Variants in PPIF observed in about 807,000 individuals in gnomAD.
PPIF encodes the protein peptidyl-prolyl cis-trans isomerase F, mitochondrial.
In PPIF, 23 loss-of-function variants were observed where a neutral mutation model predicts 20.2. That is an observed-to-expected ratio of 1.14 (90% CI 0.82 to 1.61). The LOEUF is 1.61. PPIF is among the 40% of genes most tolerant of loss of function. The pLI is 0.00. For missense variants in PPIF, 287 were observed against 291.6 expected, an observed-to-expected ratio of 0.98 and a Z score of 0.11; for synonymous variants, 113 against 123.1, an observed-to-expected ratio of 0.92 and a Z score of 0.54.
Position 79,347,527 on chromosome 10 carries a change from TC to T in PPIF, c.-19del. On this transcript the variant is annotated 5_prime_UTR_variant, in exon 1 of 6. Transcript: ENST00000225174. ...GAGTTCTGTGTTCTCCCCGCCCGTG[TC>T]CCGCCCGACCCGCGCCCGCGATGCT... is the stretch of plus-strand genomic sequence containing the variant. 1 of 1,295,608 alleles carries T rather than the reference TC, an allele frequency of 7.7e-7. No individual in the cohort carries two copies. The highest frequency in any genetic ancestry group is 9.7e-7 in the Non-Finnish European group (1 of 1,027,342). The allele number at this position is 1,295,608 out of a possible 1,614,324, so 80.3% of individuals were successfully genotyped here.
At position 79,349,119 on chromosome 10, in the gene PPIF, C is replaced by G. The variant is rs757519492; in HGVS notation, c.226+13C>G. The G allele has an allele frequency of 9.9e-6, 16 of 1,613,954 alleles. No homozygotes were observed. The South Asian group carries it at 1.6e-4, about 17-fold the overall frequency. On this transcript the variant is annotated intron_variant, in intron 2 of 5. Transcript: ENST00000225174. ...CCAAAGACAGCTGGTAAGACAGGGC[C>G]TGGGGCCTTCTGAGATGGGTCTAGA...
intron 4 of PPIF, among the ~76,000 whole-genome samples, chr10:79,352,099 AG>A (rs1487357566): frequency 6.6e-6 from 1 of 151,942 alleles, no homozygotes; most frequent in East Asian, 1.9e-4. Flanking sequence ...AGCTTCCACA[AG>A]GCCCTGTCCT....
In PPIF at chr10:79,354,171, A is replaced by G. The variant is rs117391830; in HGVS notation, c.*329A>G. On this transcript the variant is annotated 3_prime_UTR_variant, in exon 6 of 6. Coordinates refer to ENST00000225174, the MANE Select transcript of PPIF (RefSeq NM_005729.4). ...GGTGATGGGTTGCCATCCAAGTGAA[A>G]GTCTTTTCCTTGACCAAGGGGGACA... is the stretch of plus-strand genomic sequence containing the variant. The G allele has an allele frequency of 1.9e-3, 622 of 327,362 alleles. 3 individuals carry two copies. The highest frequency in any genetic ancestry group is 3.6e-3 in the Admixed American group (80 of 22,158). The allele number at this position is 327,362 out of a possible 1,614,324, so 20.3% of individuals were successfully genotyped here.
intron 1 of PPIF, among the ~76,000 whole-genome samples, chr10:79,348,542 T>A (rs540565258): frequency 2.0e-5 from 3 of 152,268 alleles, no homozygotes; most frequent in Non-Finnish European, 4.4e-5. Context: ...GCCCTTAGTA[T>A]TTCTTCTTCA....
In PPIF at chr10:79,352,454, GT is replaced by G. The variant is rs545424388; in HGVS notation, c.488+63del. 31 of 1,549,628 alleles carry G rather than the reference GT, an allele frequency of 2.0e-5. No individual in the cohort carries two copies. The Admixed American group carries it at 3.7e-4, about 18-fold the overall frequency. On this transcript the variant is annotated intron_variant, in intron 5 of 5. Coordinates refer to ENST00000225174, the MANE Select transcript of PPIF (RefSeq NM_005729.4). ...CAGCCTTGCAGCTGGAGGAGGATTC[GT>G]GCACTTTTAGGGGCAGGCAGTTTAC...
At chr10:79,352,151 G>C (rs1855990128) in intron 4 of PPIF, among the ~76,000 whole-genome samples, 166 bp from the exon 5 acceptor site, 1 of 152,138 alleles carries the variant, frequency 6.6e-6, no homozygotes, top group South Asian at 2.1e-4. Context: ...AGCAAAGGCA[G>C]GCATACCCTG....
rs1273078438 is a variant in PPIF at position 79,347,586 on chromosome 10, T to A, written c.38T>A (p.Leu13Gln). The A allele has an allele frequency of 7.1e-7, 1 of 1,407,334 alleles. No homozygotes were observed. Among genetic ancestry groups the A allele is most frequent in the Admixed American group, 2.8e-5 (1 of 35,718 alleles). The allele number at this position is 1,407,334 out of a possible 1,614,324, so 87.2% of individuals were successfully genotyped here. A position where few individuals can be genotyped will look rare whatever the true frequency, so the allele number is the denominator to read the frequency against. The change falls in exon 1 of 6, where the codon CTG (leucine) becomes CAG (glutamine). Residue 13 changes from leucine (L) to glutamine (Q), a missense_variant. By Grantham distance (113) the Leu-to-Gln change is moderately radical. Coordinates refer to ENST00000225174, the MANE Select transcript of PPIF (RefSeq NM_005729.4). ...CGCTGCGGCTCCCGCTGGCTCGGCC[T>A]GCTCTCCGTCCCGCGCTCCGTGCCG... is the stretch of plus-strand genomic sequence containing the variant. ...ALRCGSRWLG[L>Q]LSVPRSVPLR... is the part of the protein sequence containing the mutation.
At chr10:79,348,558 A>C (rs1372748852) in intron 1 of PPIF, among the ~76,000 whole-genome samples, 2 of 152,010 alleles carry the variant, frequency 1.3e-5, no homozygotes, top group Non-Finnish European at 2.9e-5. Context: ...CTTCATTCTC[A>C]GTTTCTTCTG....
At chr10:79,351,904 ATGGTCC>A (rs938709796) in intron 4 of PPIF, among the ~76,000 whole-genome samples, 6 of 152,214 alleles carry the variant, frequency 3.9e-5, no homozygotes, top group African/African-American at 1.4e-4. Context: ...TTGTTGCAGA[ATGGTCC>A]TTAGGTCCTT....
Position 79,355,248 on chromosome 10 carries a change from C to G in PPIF, c.*1406C>G, listed in dbSNP as rs12779059. On this transcript the variant is annotated 3_prime_UTR_variant, in exon 6 of 6. Transcript: ENST00000225174. Reference sequence around the variant, plus strand: ...TGCCATGGTCATAAGCTTCCTGAGGCCTCCCTGGAAGCTGAGCAGATGCCA... The same window carrying G: ...TGCCATGGTCATAAGCTTCCTGAGGGCTCCCTGGAAGCTGAGCAGATGCCA... The G allele has an allele frequency of 7.2e-5, 11 of 152,158 alleles. No homozygotes were observed. Among genetic ancestry groups the G allele is most frequent in the Non-Finnish European group, 1.5e-4 (10 of 68,038 alleles). The allele number at this position is 152,158 out of a possible 1,614,324, so 9.4% of individuals were successfully genotyped here.
Position 79,349,178 on chromosome 10 carries a change from G to A in PPIF, c.226+72G>A, listed in dbSNP as rs115086648. On this transcript the variant is annotated intron_variant, in intron 2 of 5. Transcript: ENST00000225174. ...GGCCAGGCAGGGCAAGGTGGGTGGC[G>A]TGATGAGAAGAGTCGGGGCTCAGAG... is the stretch of plus-strand genomic sequence containing the variant. 42 of 1,612,260 alleles carry A rather than the reference G, an allele frequency of 2.6e-5. No individual in the cohort carries two copies. In the Admixed American group the frequency reaches 4.8e-4, roughly 19 times the overall value.
chr10:79,348,084 G>A (rs1207823482), intron 1 of PPIF, among the ~76,000 whole-genome samples: 1 of 152,184 alleles, frequency 6.6e-6, no homozygotes, highest in Non-Finnish European at 1.5e-5. Flanking sequence ...GAGCTCCGAG[G>A]TGGGTGTCGG....
chr10:79,354,016 C>T lies in PPIF; in HGVS notation c.*174C>T. 1.5e-6 allele frequency: 1 copy of T among 670,884 alleles called. No individual in the cohort carries two copies. Among genetic ancestry groups the T allele is most frequent in the East Asian group, 2.8e-5 (1 of 36,170 alleles). 41.6% of individuals were successfully genotyped at this position (670,884 alleles called of 1,614,324 possible). On this transcript the variant is annotated 3_prime_UTR_variant, in exon 6 of 6. Coordinates refer to ENST00000225174, the MANE Select transcript of PPIF (RefSeq NM_005729.4). ...ACCTCGGCCAGGACCCACCACATTG[C>T]TTCCTAATACCCACCCTTCCTCACG...
intron 3 of PPIF, 72 bp downstream of exon 3, chr10:79,349,825 G>A: frequency 6.2e-7 from 1 of 1,602,342 alleles, no homozygotes; most frequent in Non-Finnish European, 8.5e-7. Context: ...AAGATGCCTG[G>A]TATGAGGAAG....
intron 3 of PPIF, 112 bp downstream of exon 3, chr10:79,349,865 G>C: frequency 6.5e-7 from 1 of 1,535,496 alleles, no homozygotes; most frequent in Non-Finnish European, 8.8e-7. Flanking sequence ...CAGTTGCTCT[G>C]TCAGCCAGGC....
intron 5 of PPIF, 102 bp from the exon 6 acceptor site, chr10:79,353,594 ATGGGGATTCTT>A: frequency 1.3e-6 from 2 of 1,572,544 alleles, no homozygotes; most frequent in East Asian, 2.3e-5. Context: ...TAGCTATTCC[ATGGGGATTCTT>A]TTCAGAATTG....
In PPIF at chr10:79,349,131, G is replaced by A. The variant is rs745920865; in HGVS notation, c.226+25G>A. 8 of 1,613,804 alleles carry A rather than the reference G, an allele frequency of 5.0e-6. No homozygotes were observed. In the East Asian group the frequency reaches 1.8e-4, roughly 36 times the overall value. On this transcript the variant is annotated intron_variant, in intron 2 of 5. Coordinates refer to ENST00000225174, the MANE Select transcript of PPIF (RefSeq NM_005729.4). ...GGTAAGACAGGGCCTGGGGCCTTCT[G>A]AGATGGGTCTAGAGGGAAGGGGGCC...
chr10:79,352,154 A>G (rs1398130264), intron 4 of PPIF, among the ~76,000 whole-genome samples, 163 bp from the exon 5 acceptor site: 1 of 152,126 alleles, frequency 6.6e-6, no homozygotes, highest in Admixed American at 6.5e-5. Flanking sequence ...AAAGGCAGGC[A>G]TACCCTGGGG....
In PPIF at chr10:79,347,606, G is replaced by A. The variant is rs1855915867; in HGVS notation, c.58G>A (p.Val20Met). The change falls in exon 1 of 6, where the codon GTG (valine) becomes ATG (methionine). Residue 20 changes from valine (V) to methionine (M), a missense_variant. Val to Met is a conservative substitution (Grantham distance 21). Transcript: ENST00000225174. ...CGGCCTGCTCTCCGTCCCGCGCTCCGTGCCGCTGCGCCTCCCCGCGGCCCG... is the reference window on the plus strand; with the variant it reads ...CGGCCTGCTCTCCGTCCCGCGCTCCATGCCGCTGCGCCTCCCCGCGGCCCG... ...WLGLLSVPRS[V>M]PLRLPAARAC... is the part of the protein sequence containing the mutation. The A allele has an allele frequency of 2.8e-6, 4 of 1,434,676 alleles. No homozygotes were observed. Among genetic ancestry groups the A allele is most frequent in the African/African-American group, 1.5e-5 (1 of 67,444 alleles). 88.9% of individuals were successfully genotyped at this position (1,434,676 alleles called of 1,614,324 possible).
Sources: gnomAD v4.1 joint callset for allele counts (sites outside exome capture counted in the v4.1 genomes callset) on GRCh38, gnomAD v4.1.1 for gene constraint, MANE v1.5 for transcripts, NCBI Gene and HGNC (gene_info 2026-07-23, HGNC 2026-07-21) for gene names.